OPCML: variants seen among roughly 807,000 people sequenced by gnomAD.
OPCML encodes the protein opioid-binding protein/cell adhesion molecule.
In OPCML, 13 loss-of-function variants were observed where a neutral mutation model predicts 37.8. The ratio of observed to expected loss-of-function variants is 0.34; its 90% CI spans 0.22 to 0.55. OPCML has a LOEUF of 0.55. Among genes scored for constraint, OPCML ranks in the 20% least tolerant of loss-of-function variants. The pLI, the probability that OPCML is intolerant of heterozygous loss-of-function variation, is 0.91. For missense variants in OPCML, 341 were observed against 435.6 expected, an observed-to-expected ratio of 0.78 and a Z score of 1.93; for synonymous variants, 176 against 168.8, an observed-to-expected ratio of 1.04 and a Z score of -0.33.
chr11:133,336,469 C>T (rs187327113), intron 1 of OPCML, among the ~76,000 whole-genome samples: 207 of 152,064 alleles, frequency 1.4e-3, no homozygotes, highest in Non-Finnish European at 2.7e-3. Context: ...AAGTGTATTG[C>T]CATTGATATA....
intron 1 of OPCML, among the ~76,000 whole-genome samples, chr11:133,335,459 T>C (rs1848233454): frequency 6.6e-6 from 1 of 152,250 alleles, no homozygotes; most frequent in African/African-American, 2.4e-5. Context: ...CCCTGGAGGC[T>C]GCATCCATGA....
At chr11:133,286,110 A>G (rs1592167537) in intron 1 of OPCML, among the ~76,000 whole-genome samples, 1 of 152,054 alleles carries the variant, frequency 6.6e-6, no homozygotes, top group Non-Finnish European at 1.5e-5. Context: ...CTTCTGCCCC[A>G]CCCAGCCCCT....
At chr11:132,811,308 A>G (rs1939327432) in intron 2 of OPCML, among the ~76,000 whole-genome samples, 1 of 152,228 alleles carries the variant, frequency 6.6e-6, no homozygotes, top group African/African-American at 2.4e-5. Context: ...TCTTCTCAGC[A>G]TCAAGGGATT....
At chr11:133,477,073 A>G (rs1947256186) in intron 1 of OPCML, among the ~76,000 whole-genome samples, 1 of 152,178 alleles carries the variant, frequency 6.6e-6, no homozygotes, top group African/African-American at 2.4e-5. Context: ...TGCCACAGGA[A>G]GGTCAGTTAC....
intron 2 of OPCML, among the ~76,000 whole-genome samples, chr11:132,821,196 C>G (rs7121849): frequency 1.3e-5 from 2 of 152,184 alleles, no homozygotes; most frequent in Non-Finnish European, 2.9e-5. Flanking sequence ...ACTGGCAGAA[C>G]GAAGCTGAGA....
intron 4 of OPCML, among the ~76,000 whole-genome samples, chr11:132,467,112 T>C (rs1238895845): frequency 6.6e-6 from 1 of 152,184 alleles, no homozygotes; most frequent in African/African-American, 2.4e-5. Flanking sequence ...CGGCACCCAT[T>C]GTTGCTAGTG....
chr11:132,752,911 A>G (rs958158918), intron 2 of OPCML, among the ~76,000 whole-genome samples: 2 of 152,108 alleles, frequency 1.3e-5, no homozygotes, highest in Non-Finnish European at 2.9e-5. Flanking sequence ...CTTCATTCCC[A>G]TCTCCACTAT....
At chr11:133,308,551 C>A (rs570936773) in intron 1 of OPCML, among the ~76,000 whole-genome samples, 1 of 152,034 alleles carries the variant, frequency 6.6e-6, no homozygotes, top group Admixed American at 6.6e-5. Flanking sequence ...AAAGGTAGAA[C>A]AATAGATAGA....
intron 2 of OPCML, among the ~76,000 whole-genome samples, chr11:132,755,325 G>T (rs1445346818): frequency 6.6e-6 from 1 of 152,036 alleles, no homozygotes. Context: ...TGTTTCTACA[G>T]AAACACAATA....
chr11:133,424,361 A>G (rs948488212), intron 1 of OPCML, among the ~76,000 whole-genome samples: 4 of 152,210 alleles, frequency 2.6e-5, no homozygotes, highest in African/African-American at 9.7e-5. Context: ...TTCTGTTAAG[A>G]AGAAAGTTTA....
At chr11:132,506,142 G>T (rs2096256289) in intron 4 of OPCML, among the ~76,000 whole-genome samples, 1 of 152,126 alleles carries the variant, frequency 6.6e-6, no homozygotes, top group Non-Finnish European at 1.5e-5. Context: ...TAAGGGTAAA[G>T]ATTGTGACCT....
chr11:133,260,165 C>T (rs1941447278), intron 1 of OPCML, among the ~76,000 whole-genome samples: 1 of 151,298 alleles, frequency 6.6e-6, no homozygotes, highest in African/African-American at 2.4e-5. Flanking sequence ...TTGCAAAGGT[C>T]CCCAGACATG....
chr11:133,088,940 A>C (rs1948861114), intron 1 of OPCML, among the ~76,000 whole-genome samples: 2 of 152,246 alleles, frequency 1.3e-5, no homozygotes, highest in Non-Finnish European at 2.9e-5. Context: ...CATCTATCAG[A>C]GCAATGAAAA....
rs557970348 is a variant in OPCML, at chr11:133,153,427, C to T, written c.62-210417G>A. ...CATCGCTCAGCTATTTGCGTCCACA[C>T]GGAAGGAGCACTGCAGTGGTCCACG... is the stretch of plus-strand genomic sequence containing the variant. On this transcript the variant is annotated intron_variant, in intron 1 of 7. Transcript: ENST00000524381. 6.6e-5 allele frequency among the ~76,000 whole-genome samples: 10 copies of T among 152,284 alleles called. No individual in the cohort carries two copies. In the South Asian group the frequency reaches 8.3e-4, roughly 13 times the overall value.
intron 1 of OPCML, among the ~76,000 whole-genome samples, chr11:132,959,200 A>T (rs10750518): frequency 0.58 from 88,810 of 152,058 alleles, 26,905 homozygotes; most frequent in East Asian, 0.81. Context: ...GGGGTTCAAG[A>T]TTTCAGTGGA....
rs947100138 is a variant in OPCML, at chr11:133,173,306, A to G, written c.62-230296T>C. ...AGCTATAATAACATGATTATTTAATATGTTTAATATCTGTCTCTACTTGTA... is the reference window on the plus strand; with the variant it reads ...AGCTATAATAACATGATTATTTAATGTGTTTAATATCTGTCTCTACTTGTA... On this transcript the variant is annotated intron_variant, in intron 1 of 7. Transcript: ENST00000524381. This position sits in a 1 kb window ranked among gnomAD's most constrained non-coding sequence, Gnocchi z 7.8. Among the ~76,000 whole-genome samples, 1 of 152,362 alleles carries G rather than the reference A, an allele frequency of 6.6e-6. No individual in the cohort carries two copies. The highest frequency in any genetic ancestry group is 3.4e-3 in the Middle Eastern group (1 of 294).
At chr11:132,610,194 A>G (rs1938554961) in intron 3 of OPCML, among the ~76,000 whole-genome samples, 1 of 152,194 alleles carries the variant, frequency 6.6e-6, no homozygotes, top group Admixed American at 6.5e-5. Flanking sequence ...AGGAACACCT[A>G]TGCCTGCATC....
intron 4 of OPCML, among the ~76,000 whole-genome samples, chr11:132,466,321 A>C (rs2096119559): frequency 6.7e-6 from 1 of 149,122 alleles, no homozygotes; most frequent in African/African-American, 2.5e-5. Context: ...AAAATACAAA[A>C]AAAAAAAAAA....
rs1043226312 is a variant in OPCML, at chr11:133,135,064, G to A, written c.62-192054C>T. Among the ~76,000 whole-genome samples, 4 of 152,202 alleles carry A rather than the reference G, an allele frequency of 2.6e-5. No individual in the cohort carries two copies. The East Asian group carries it at 7.7e-4, about 29-fold the overall frequency. ...GCACTGAATTGTACAATCACTAAAA[G>A]GAAATTTCTGGAAAAACTGCTCTGA... On this transcript the variant is annotated intron_variant, in intron 1 of 7. Coordinates refer to ENST00000524381, the MANE Select transcript of OPCML (RefSeq NM_001012393.5).
Sources: gnomAD v4.1 joint callset for allele counts (sites outside exome capture counted in the v4.1 genomes callset) on GRCh38, gnomAD v4.1.1 for gene constraint, Gnocchi (gnomAD v3.1) non-coding constraint, MANE v1.5 for transcripts, NCBI Gene and HGNC (gene_info 2026-07-23, HGNC 2026-07-21) for gene names.